The following ALCAM variants were observed in gnomAD, a reference collection of about 807,000 sequenced individuals.
The protein encoded by ALCAM is CD166 antigen.
A neutral mutation model predicts 70.9 loss-of-function variants in ALCAM; 30 were observed. That is an observed-to-expected ratio of 0.42 (90% CI 0.32 to 0.57). The LOEUF is 0.57. Among genes scored for constraint, ALCAM ranks in the 20% least tolerant of loss-of-function variants. The pLI, the probability that ALCAM is intolerant of heterozygous loss-of-function variation, is 0.11. For missense variants in ALCAM, 591 were observed against 695.1 expected (o/e 0.85, Z 1.68); for synonymous variants, 249 against 242.5 (o/e 1.03, Z -0.25).
chr3:105,560,306 C>T (rs957006140), intron 14 of ALCAM, among the ~76,000 whole-genome samples: 1 of 152,100 alleles, frequency 6.6e-6, no homozygotes, highest in African/African-American at 2.4e-5. Context: ...TTTTAAGCTC[C>T]ATAAATGTAT....
chr3:105,500,025 C>CT (rs1436031015), intron 1 of ALCAM, among the ~76,000 whole-genome samples: 1 of 152,138 alleles, frequency 6.6e-6, no homozygotes, highest in Non-Finnish European at 1.5e-5. Flanking sequence ...TTCAGAGCCT[C>CT]TTTGTAGAAG....
chr3:105,461,741 T>C lies in ALCAM; in HGVS notation c.74-58326T>C, dbSNP rs74889342. Among the ~76,000 whole-genome samples, 413 of 151,894 alleles carry C rather than the reference T, an allele frequency of 2.7e-3. 1 individual carries two copies. The highest frequency in any genetic ancestry group is 9.4e-3 in the African/African-American group (389 of 41,518). ...TTCTCCTAACTCCTGGTTTATTGTT[T>C]TATCTTCCATGTTCTACCACCTCCT... On this transcript the variant is annotated intron_variant, in intron 1 of 15. Transcript: ENST00000306107.
chr3:105,386,680 G>C (rs148684381), intron 1 of ALCAM, among the ~76,000 whole-genome samples: 2 of 149,968 alleles, frequency 1.3e-5, no homozygotes, highest in African/African-American at 2.5e-5. Context: ...ATATATATCT[G>C]TAATTGTTTC....
Position 105,542,289 on chromosome 3 carries a change from C to A in ALCAM, c.991+524C>A, listed in dbSNP as rs187264281. Among the ~76,000 whole-genome samples the A allele has an allele frequency of 4.2e-3, 643 of 151,852 alleles. 4 individuals are homozygous for A. The highest frequency in any genetic ancestry group is 0.014 in the African/African-American group (600 of 41,476). ...GGGTAGGAAATTTCTGGAAACAGAA[C>A]CTCTTGAAAATCACTGTGGACATAA... is the stretch of plus-strand genomic sequence containing the variant. On this transcript the variant is annotated intron_variant, in intron 8 of 15. Transcript: ENST00000306107.
At chr3:105,390,088 C>T (rs979711126) in intron 1 of ALCAM, among the ~76,000 whole-genome samples, 5 of 151,736 alleles carry the variant, frequency 3.3e-5, no homozygotes, top group Admixed American at 2.0e-4. Context: ...TGTCTATTCC[C>T]GTGGGTGTAT....
At chr3:105,419,624 T>G (rs1559785373) in intron 1 of ALCAM, among the ~76,000 whole-genome samples, 1 of 151,760 alleles carries the variant, frequency 6.6e-6, no homozygotes, top group Non-Finnish European at 1.5e-5. Context: ...AGCAAAATTT[T>G]GTTAAGCCTT....
intron 1 of ALCAM, among the ~76,000 whole-genome samples, chr3:105,459,168 A>G (rs1937571139): frequency 6.6e-6 from 1 of 152,042 alleles, no homozygotes; most frequent in Non-Finnish European, 1.5e-5. Flanking sequence ...AATGCAGAAT[A>G]TTCTCTCATA....
At chr3:105,470,060 C>T (rs1937878695) in intron 1 of ALCAM, among the ~76,000 whole-genome samples, 1 of 148,896 alleles carries the variant, frequency 6.7e-6, no homozygotes, top group Non-Finnish European at 1.5e-5. Flanking sequence ...ATAATAGTAA[C>T]ATACCATACC....
At chr3:105,456,423 C>A (rs1358200251) in intron 1 of ALCAM, among the ~76,000 whole-genome samples, 2 of 152,152 alleles carry the variant, frequency 1.3e-5, no homozygotes, top group East Asian at 1.9e-4. Flanking sequence ...CAAAATTGAG[C>A]CCTTAAAAAT....
At chr3:105,469,588 T>C (rs1323638798) in intron 1 of ALCAM, among the ~76,000 whole-genome samples, 1 of 151,180 alleles carries the variant, frequency 6.6e-6, no homozygotes, top group Non-Finnish European at 1.5e-5. Context: ...TTTTACAGGA[T>C]TTTGTCTGAG....
At chr3:105,493,462 G>A (rs966487244) in intron 1 of ALCAM, among the ~76,000 whole-genome samples, 5 of 152,150 alleles carry the variant, frequency 3.3e-5, no homozygotes, top group Admixed American at 6.5e-5. Flanking sequence ...ATGTGATTAA[G>A]GTTAAGGGCA....
chr3:105,556,591 A>C (rs1490498967), intron 14 of ALCAM, among the ~76,000 whole-genome samples: 1 of 152,018 alleles, frequency 6.6e-6, no homozygotes, highest in Non-Finnish European at 1.5e-5. Flanking sequence ...GAAGGGCTAA[A>C]GAGGACTTGC....
At chr3:105,574,091 T>C (rs1367959427) in intron 15 of ALCAM, among the ~76,000 whole-genome samples, 6 of 152,140 alleles carry the variant, frequency 3.9e-5, no homozygotes, top group African/African-American at 1.4e-4. Context: ...TTTGTAAACA[T>C]AGATTTTAAC....
intron 15 of ALCAM, among the ~76,000 whole-genome samples, chr3:105,573,781 A>G (rs1034572923): frequency 2.0e-5 from 3 of 152,228 alleles, no homozygotes; most frequent in East Asian, 3.8e-4. Flanking sequence ...CCTCGGGTTC[A>G]TTATAAATAA....
At chr3:105,449,643 C>T (rs1286881350) in intron 1 of ALCAM, among the ~76,000 whole-genome samples, 1 of 152,124 alleles carries the variant, frequency 6.6e-6, no homozygotes, top group Non-Finnish European at 1.5e-5. Context: ...TTAGCAATCC[C>T]TCGTCCCATT....
intron 1 of ALCAM, among the ~76,000 whole-genome samples, chr3:105,407,879 T>A (rs569563692): frequency 6.6e-6 from 1 of 152,288 alleles, no homozygotes; most frequent in Non-Finnish European, 1.5e-5. Flanking sequence ...ACAAAATTAA[T>A]GTACACAAAT....
intron 1 of ALCAM, among the ~76,000 whole-genome samples, chr3:105,436,159 A>C (rs1374247092): frequency 6.6e-6 from 1 of 152,148 alleles, no homozygotes; most frequent in Non-Finnish European, 1.5e-5. Flanking sequence ...TCCTTCCCAC[A>C]ACACATGGGA....
chr3:105,503,863 C>T lies in ALCAM; in HGVS notation c.74-16204C>T, dbSNP rs984984886. On this transcript the variant is annotated intron_variant, in intron 1 of 15. Transcript: ENST00000306107. Reference sequence around the variant, plus strand: ...AAGGAGTTTCCTTCATCCTTCTTTCCACTTGAAGAAATTCTTATCTGTGAT... The same window carrying T: ...AAGGAGTTTCCTTCATCCTTCTTTCTACTTGAAGAAATTCTTATCTGTGAT... Among the ~76,000 whole-genome samples, 6 of 152,078 alleles carry T rather than the reference C, an allele frequency of 3.9e-5. 1 individual carries two copies. The highest frequency in any genetic ancestry group is 8.8e-5 in the Non-Finnish European group (6 of 68,016).
intron 1 of ALCAM, among the ~76,000 whole-genome samples, chr3:105,462,301 G>T (rs1324479206): frequency 6.6e-6 from 1 of 151,422 alleles, no homozygotes; most frequent in Admixed American, 6.6e-5. Context: ...TTGATAAGGT[G>T]GCATGTGGAT....
Sources: gnomAD v4.1 joint callset for allele counts (sites outside exome capture counted in the v4.1 genomes callset) on GRCh38, gnomAD v4.1.1 for gene constraint, MANE v1.5 for transcripts, NCBI Gene and HGNC (gene_info 2026-07-23, HGNC 2026-07-21) for gene names.